Variants in COL10A1 observed in about 807,000 individuals in gnomAD.
The protein encoded by COL10A1 is collagen alpha-1(X) chain.
Under a neutral mutation model 18.2 loss-of-function variants are expected in COL10A1, and 10 were observed. That is an observed-to-expected ratio of 0.55 (90% confidence interval 0.34 to 0.93). COL10A1 has a LOEUF of 0.93. Ranked by LOEUF, COL10A1 falls within the 40% of genes least tolerant of loss-of-function variation. COL10A1 has a pLI of 0.02. For synonymous variants in COL10A1, 330 were observed against 316.6 expected (o/e 1.04, Z -0.45); for missense variants, 897 against 853.5 (o/e 1.05, Z -0.64).
chr6:116,163,135 A>ATAT (rs1554197048), upstream of COL10A1, among the ~76,000 whole-genome samples: 591 of 98,482 alleles, frequency 6.0e-3, 5 homozygotes, highest in East Asian at 0.035. Context: ...TCAAAAAAAA[A>ATAT]AAAAAAATAT....
chr6:116,152,179 T>C (rs1780059429), intron 1 of COL10A1, among the ~76,000 whole-genome samples: 1 of 152,200 alleles, frequency 6.6e-6, no homozygotes, highest in Admixed American at 6.5e-5. Flanking sequence ...GGTTGACTTC[T>C]TAAACTAGTT....
the COL10A1 span, among the ~76,000 whole-genome samples, chr6:116,168,401 T>A: frequency 6.6e-6 from 1 of 152,100 alleles, no homozygotes; most frequent in Non-Finnish European, 1.5e-5. Flanking sequence ...AGCTTTTAAT[T>A]TTGATTACTG....
chr6:116,123,060 G>A (rs1779183367), intron 2 of COL10A1, among the ~76,000 whole-genome samples: 1 of 152,140 alleles, frequency 6.6e-6, no homozygotes, highest in South Asian at 2.1e-4. Context: ...TTTTTTAATG[G>A]GTTGGAGGAA....
intron 1 of COL10A1, among the ~76,000 whole-genome samples, chr6:116,143,835 T>C (rs576248758): frequency 1.6e-4 from 24 of 152,328 alleles, no homozygotes; most frequent in Non-Finnish European, 2.8e-4. Context: ...CTGTCATTTA[T>C]TGCAACATTG....
the COL10A1 span, among the ~76,000 whole-genome samples, chr6:116,181,933 C>A: frequency 1.3e-5 from 2 of 151,938 alleles, no homozygotes; most frequent in Non-Finnish European, 2.9e-5. Flanking sequence ...TGAATAAGTT[C>A]TTTGGTGGTG....
At chr6:116,143,442 A>C (rs1213894914) in intron 1 of COL10A1, among the ~76,000 whole-genome samples, 1 of 152,038 alleles carries the variant, frequency 6.6e-6, no homozygotes, top group African/African-American at 2.4e-5. Context: ...TTGATCTCTT[A>C]ACCTTGTGAT....
At chr6:116,215,517 T>C in the COL10A1 span, among the ~76,000 whole-genome samples, 1 of 152,120 alleles carries the variant, frequency 6.6e-6, no homozygotes, top group African/African-American at 2.4e-5. Flanking sequence ...CCAGATATTA[T>C]TGTATGTGAT....
intron 1 of COL10A1, among the ~76,000 whole-genome samples, chr6:116,134,680 C>G (rs948821905): frequency 1.3e-5 from 2 of 152,124 alleles, no homozygotes; most frequent in Non-Finnish European, 2.9e-5. Flanking sequence ...ACTTGGAATT[C>G]TTGTAGAGGT....
At chr6:116,190,238 A>G in the COL10A1 span, among the ~76,000 whole-genome samples, 1 of 152,044 alleles carries the variant, frequency 6.6e-6, no homozygotes, top group Non-Finnish European at 1.5e-5. Flanking sequence ...TCCCTGAGCC[A>G]AAACAGTATT....
intron 1 of COL10A1, among the ~76,000 whole-genome samples, chr6:116,148,624 T>G (rs1238859456): frequency 2.6e-5 from 4 of 151,978 alleles, no homozygotes; most frequent in African/African-American, 7.2e-5. Flanking sequence ...GAACATCAGG[T>G]TTTTTTTGGT....
At position 116,120,006 on chromosome 6, in the gene COL10A1, T is replaced by C; in HGVS notation, c.*67A>G. Reference sequence around the variant, plus strand: ...TTTTCAGCCTACCTCCATATGCATTTTGTAGGGTGGGGTAGAGTTAGAGAA... The same window carrying C: ...TTTTCAGCCTACCTCCATATGCATTCTGTAGGGTGGGGTAGAGTTAGAGAA... On this transcript the variant is annotated 3_prime_UTR_variant, in exon 3 of 3. Coordinates refer to ENST00000651968, the MANE Select transcript of COL10A1 (RefSeq NM_000493.4). 7.5e-7 allele frequency: 1 copy of C among 1,338,004 alleles called. No individual in the cohort carries two copies. Among genetic ancestry groups the C allele is most frequent in the Non-Finnish European group, 1.1e-6 (1 of 931,042 alleles). 82.9% of individuals were successfully genotyped at this position (1,338,004 alleles called of 1,614,324 possible).
In COL10A1 at chr6:116,121,330, G is replaced by A; in HGVS notation, c.786C>T (p.Gly262=). The A allele has an allele frequency of 6.2e-7, 1 of 1,613,900 alleles. No homozygotes were observed. Among genetic ancestry groups the A allele is most frequent in the Non-Finnish European group, 8.5e-7 (1 of 1,179,918 alleles). The change falls in exon 3 of 3, where the codon GGC becomes GGT. Residue 262 remains glycine (G), a synonymous_variant. Transcript: ENST00000651968. ...QGPPGERGPE[G]IGKPGAAGAP... is the part of the protein sequence containing the mutation. ...CTCCAGCAGCTCCTGGCTTTCCAAT[G>A]CCTTCTGGCCCTCGTTCCCCAGGAG... is the stretch of plus-strand genomic sequence containing the variant.
chr6:116,204,636 C>T, the COL10A1 span, among the ~76,000 whole-genome samples: 6 of 151,994 alleles, frequency 3.9e-5, no homozygotes, highest in Non-Finnish European at 5.9e-5. Context: ...AAGAAGTACT[C>T]ATATGTATAC....
chr6:116,158,080 A>G (rs1024783407), intron 1 of COL10A1, among the ~76,000 whole-genome samples: 2 of 152,194 alleles, frequency 1.3e-5, no homozygotes, highest in African/African-American at 4.8e-5. Context: ...CAAAAAGTCA[A>G]TTTCTCTGAA....
At chr6:116,199,836 T>C in the COL10A1 span, among the ~76,000 whole-genome samples, 63 of 152,120 alleles carry the variant, frequency 4.1e-4, no homozygotes, top group African/African-American at 1.4e-3. Context: ...AAATAAGTGA[T>C]TAACAAGTAA....
At chr6:116,179,044 G>C in the COL10A1 span, among the ~76,000 whole-genome samples, 1 of 152,088 alleles carries the variant, frequency 6.6e-6, no homozygotes, top group East Asian at 1.9e-4. Flanking sequence ...GTCAAAGTAA[G>C]TTTGTAAAAT....
At chr6:116,158,301 C>T (rs1381984144) in intron 1 of COL10A1, among the ~76,000 whole-genome samples, 2 of 151,664 alleles carry the variant, frequency 1.3e-5, no homozygotes, top group South Asian at 2.1e-4. Context: ...TCTTGTTAGT[C>T]CTGTGCATCT....
At chr6:116,136,306 G>A (rs1012948208) in intron 1 of COL10A1, among the ~76,000 whole-genome samples, 8 of 151,968 alleles carry the variant, frequency 5.3e-5, no homozygotes, top group Non-Finnish European at 7.4e-5. Flanking sequence ...ACATGTTGGT[G>A]TGTATGTATG....
chr6:116,178,187 C>T, the COL10A1 span, among the ~76,000 whole-genome samples: 3 of 150,522 alleles, frequency 2.0e-5, no homozygotes, highest in East Asian at 4.0e-4. Flanking sequence ...AGTTAATTTG[C>T]TTGAAACCCT....
Sources: allele counts gnomAD v4.1 joint callset (sites outside exome capture counted in the v4.1 genomes callset), GRCh38; gene constraint gnomAD v4.1.1; transcripts MANE v1.5; gene names NCBI Gene and HGNC (gene_info 2026-07-23, HGNC 2026-07-21).